The following ACSM1 variants were observed in gnomAD, a reference collection of about 807,000 sequenced individuals.
ACSM1 encodes acyl-CoA synthetase medium chain family member 1, also known as acyl-coenzyme A synthetase ACSM1, mitochondrial.
A neutral mutation model predicts 75.8 loss-of-function variants in ACSM1; 79 were observed. The ratio of observed to expected loss-of-function variants is 1.04; its 90% CI spans 0.87 to 1.26. The LOEUF is 1.26. Ranked by LOEUF, ACSM1 falls within the 50% of genes most tolerant of loss-of-function variation. The pLI is 0.00. For synonymous variants in ACSM1, 279 were observed against 265.8 expected, an observed-to-expected ratio of 1.05 and a Z score of -0.48; for missense variants, 676 against 720.1, an observed-to-expected ratio of 0.94 and a Z score of 0.70.
chr16:20,680,942 C>G (rs2079432404), intron 4 of ACSM1: 1 of 152,150 alleles, frequency 6.6e-6, no homozygotes, highest in African/African-American at 2.4e-5. Context: ...AAGGGGAACT[C>G]TTATGGTATC....
chr16:20,627,585 C>G (rs1174475786), intron 10 of ACSM1, among the ~76,000 whole-genome samples: 1 of 152,030 alleles, frequency 6.6e-6, no homozygotes, highest in South Asian at 2.1e-4. Context: ...AATCCCAACA[C>G]TTTGGGAGGC....
chr16:20,639,866 T>C (rs1167167193), intron 8 of ACSM1, among the ~76,000 whole-genome samples: 7 of 152,112 alleles, frequency 4.6e-5, no homozygotes, highest in African/African-American at 1.7e-4. Flanking sequence ...AAAACTCAAG[T>C]TGGGAACTGC....
intron 6 of ACSM1, among the ~76,000 whole-genome samples, chr16:20,662,207 T>A (rs1052184922): frequency 6.6e-6 from 1 of 152,188 alleles, no homozygotes; most frequent in Admixed American, 6.5e-5. Flanking sequence ...AGGGAAATAC[T>A]CTTTCTAGTT....
At chr16:20,639,758 C>T (rs1310028074) in intron 8 of ACSM1, among the ~76,000 whole-genome samples, 1 of 152,196 alleles carries the variant, frequency 6.6e-6, no homozygotes, top group African/African-American at 2.4e-5. Context: ...TAATTCAGCA[C>T]ATCTGCTGGG....
rs185302233 is a variant in ACSM1 at position 20,652,812 on chromosome 16, T to C, written c.992+8982A>G. On this transcript the variant is annotated intron_variant, in intron 7 of 13. Transcript: ENST00000520010. ...GGACCAGATAGATTCACAGCCGAAT[T>C]CTGCCAGAGGTACAAGGAGGAGCTG... 2.6e-5 allele frequency among the ~76,000 whole-genome samples: 4 copies of C among 152,294 alleles called. No homozygotes were observed. The East Asian group carries it at 5.8e-4, about 22-fold the overall frequency.
intron 8 of ACSM1, 88 bp from the exon 9 acceptor site, chr16:20,637,539 C>G: frequency 8.7e-7 from 1 of 1,154,616 alleles, no homozygotes; most frequent in East Asian, 2.4e-5. Flanking sequence ...ATCCTCTGCT[C>G]AGAGATGTAG....
At chr16:20,644,517 G>T (rs1311518469) in intron 7 of ACSM1, among the ~76,000 whole-genome samples, 1 of 149,604 alleles carries the variant, frequency 6.7e-6, no homozygotes, top group East Asian at 2.0e-4. Context: ...ACAATAGATG[G>T]CTCCTCCCAT....
chr16:20,643,618 G>A (rs987661827), intron 7 of ACSM1, among the ~76,000 whole-genome samples: 5 of 152,218 alleles, frequency 3.3e-5, no homozygotes, highest in Admixed American at 6.5e-5. Flanking sequence ...ATTGTGAAGA[G>A]TGAAAGCCCA....
At chr16:20,677,282 CT>C (rs1478536479) in intron 4 of ACSM1, among the ~76,000 whole-genome samples, 1 of 150,334 alleles carries the variant, frequency 6.7e-6, no homozygotes, top group Non-Finnish European at 1.5e-5. Context: ...CCAGATCTAA[CT>C]AACTAAGCTT....
rs779079834 is a variant in ACSM1 at position 20,624,108 on chromosome 16, C to T, written c.1635G>A (p.Lys545=). The change falls in exon 13 of 14, where the codon AAG becomes AAA. Residue 545 remains lysine (K), a synonymous_variant. Coordinates refer to ENST00000520010, the MANE Select transcript of ACSM1 (RefSeq NM_001318890.3). ...QHVKSVTAPY[K]YPRKVEFVSE... is the part of the protein sequence containing the mutation. Reference sequence around the variant, plus strand: ...TGCCCTCACTCACCTTCCTTGGGTACTTGTATGGGGCTGTCACTGACTTGA... The same window carrying T: ...TGCCCTCACTCACCTTCCTTGGGTATTTGTATGGGGCTGTCACTGACTTGA... 4.8e-5 allele frequency: 77 copies of T among 1,612,584 alleles called. No homozygotes were observed. Among genetic ancestry groups the T allele is most frequent in the Non-Finnish European group, 6.4e-5 (75 of 1,178,974 alleles).
intron 7 of ACSM1, among the ~76,000 whole-genome samples, chr16:20,653,088 G>T (rs1433863351): frequency 6.6e-6 from 1 of 152,132 alleles, no homozygotes; most frequent in African/African-American, 2.4e-5. Context: ...GGGATGCAAG[G>T]CTGGTTCAAC....
At position 20,685,232 on chromosome 16, in the gene ACSM1, G is replaced by T. The variant is rs1208442708; in HGVS notation, c.364C>A (p.Pro122Thr). ...DHLALMLPRV[P>T]EWWLVAVGCM... ...CCCACAGCCACCAGCCACCACTCAG[G>T]AACTCGAGGCAGCATCAAGGCCAGA... The change falls in exon 3 of 14, where the codon CCT (proline) becomes ACT (threonine). Residue 122 changes from proline to threonine, a missense_variant. Physicochemically the swap from Pro to Thr is conservative, Grantham distance 38. Transcript: ENST00000520010. 23 of 1,614,160 alleles carry T rather than the reference G, an allele frequency of 1.4e-5. No individual in the cohort carries two copies. Among genetic ancestry groups the T allele is most frequent in the Non-Finnish European group, 1.9e-5 (23 of 1,180,024 alleles).
intron 7 of ACSM1, among the ~76,000 whole-genome samples, chr16:20,652,886 C>T (rs990647340): frequency 6.6e-6 from 1 of 152,130 alleles, no homozygotes; most frequent in African/African-American, 2.4e-5. Context: ...AGAGGGAATC[C>T]TCCCTAACTC....
chr16:20,659,820 G>GT (rs1357406619), intron 7 of ACSM1, among the ~76,000 whole-genome samples: 2 of 152,096 alleles, frequency 1.3e-5, no homozygotes, highest in Non-Finnish European at 2.9e-5. Context: ...ATAAAACTTG[G>GT]TTTCCACAAT....
chr16:20,632,626 C>A (rs1405050393), intron 10 of ACSM1, among the ~76,000 whole-genome samples: 1 of 152,186 alleles, frequency 6.6e-6, no homozygotes, highest in African/African-American at 2.4e-5. Flanking sequence ...GAATTAAGAC[C>A]AATCCTTTTC....
At chr16:20,658,458 CT>C (rs71149168) in intron 7 of ACSM1, among the ~76,000 whole-genome samples, 12,183 of 147,730 alleles carry the variant, frequency 0.082, 629 homozygotes, top group East Asian at 0.21. Context: ...TGGGGTTGTT[CT>C]TTTTTTTTTG....
chr16:20,664,941 A>G (rs941431681), intron 6 of ACSM1, among the ~76,000 whole-genome samples: 5 of 152,156 alleles, frequency 3.3e-5, no homozygotes, highest in African/African-American at 1.2e-4. Flanking sequence ...TTCTGAAATT[A>G]ATGAAAATGA....
chr16:20,669,812 G>T lies in ACSM1; in HGVS notation c.912+15C>A. ...TTCTGGAATTTTGCTGATAGGGGAA[G>T]GTGAGTCTTCTTACCTGTATGATGA... On this transcript the variant is annotated intron_variant, in intron 6 of 13. Coordinates refer to ENST00000520010, the MANE Select transcript of ACSM1 (RefSeq NM_001318890.3). 1 of 1,611,240 alleles carries T rather than the reference G, an allele frequency of 6.2e-7. No homozygotes were observed. Among genetic ancestry groups the T allele is most frequent in the Non-Finnish European group, 8.5e-7 (1 of 1,178,720 alleles).
At chr16:20,625,727 G>C (rs2016885504) in intron 11 of ACSM1, among the ~76,000 whole-genome samples, 2 of 152,196 alleles carry the variant, frequency 1.3e-5, no homozygotes, top group African/African-American at 4.8e-5. Context: ...GGTGCTCCCG[G>C]CTTCTTGCCT....
Sources: gnomAD v4.1 joint callset for allele counts (sites outside exome capture counted in the v4.1 genomes callset) on GRCh38, gnomAD v4.1.1 for gene constraint, MANE v1.5 for transcripts, NCBI Gene and HGNC (gene_info 2026-07-23, HGNC 2026-07-21) for gene names.